INPP4B: variants seen among roughly 807,000 people sequenced by gnomAD.
INPP4B encodes the protein inositol polyphosphate 4-phosphatase type II.
INPP4B carries 55 observed loss-of-function variants against 122.5 expected under a neutral mutation model. The observed-to-expected ratio is 0.45, with a 90% CI of 0.36 to 0.56. The LOEUF is 0.56. Among genes scored for constraint, INPP4B ranks in the 20% least tolerant of loss-of-function variants. The pLI is 0.00. For missense variants in INPP4B, 1,000 were observed against 1,097.7 expected (o/e 0.91, Z 1.26); for synonymous variants, 403 against 388.7 (o/e 1.04, Z -0.43).
At position 142,086,138 on chromosome 4, in the gene INPP4B, G is replaced by A. The variant is rs374069472; in HGVS notation, c.2487+6C>T. 1.0e-5 allele frequency: 15 copies of A among 1,499,510 alleles called. No individual in the cohort carries two copies. The highest frequency in any genetic ancestry group is 1.3e-5 in the Non-Finnish European group (14 of 1,075,884). 92.9% of individuals were successfully genotyped at this position (1,499,510 alleles called of 1,614,324 possible). ...AGGAAATAAGATTTGACATGAGAGT[G>A]CTTACCGTTGCAGCCAGCCACATAA... On this transcript the variant is annotated splice_donor_region_variant and intron_variant, in intron 24 of 25. Coordinates refer to ENST00000262992, the MANE Select transcript of INPP4B (RefSeq NM_001101669.3).
At chr4:142,716,241 C>G (rs1241603146) in intron 2 of INPP4B, among the ~76,000 whole-genome samples, 8 of 152,144 alleles carry the variant, frequency 5.3e-5, no homozygotes, top group Admixed American at 3.9e-4. Context: ...CAAACTAATC[C>G]ATTGTCATTA....
rs75732987 is a variant in INPP4B at position 142,502,977 on chromosome 4, C to T, written c.-190-40251G>A. 7.1e-3 allele frequency among the ~76,000 whole-genome samples: 1,075 copies of T among 152,152 alleles called. 15 individuals are homozygous for T. Among genetic ancestry groups the T allele is most frequent in the African/African-American group, 0.025 (1,017 of 41,510 alleles). The stretch of plus-strand genomic sequence containing the variant: ...TGGTTCGATAATAACTGAGATTTCT[C>T]ATATGAAGCCTTGGAAGCTATAAGA... On this transcript the variant is annotated intron_variant, in intron 2 of 25. Transcript: ENST00000262992.
At chr4:142,766,568 A>C (rs1172284518) in intron 1 of INPP4B, among the ~76,000 whole-genome samples, 1 of 151,896 alleles carries the variant, frequency 6.6e-6, no homozygotes, top group Non-Finnish European at 1.5e-5. Context: ...ACAGGGTTTC[A>C]CCATGTTGGC....
chr4:142,703,239 C>A (rs939164027), intron 2 of INPP4B, among the ~76,000 whole-genome samples: 4 of 152,134 alleles, frequency 2.6e-5, no homozygotes, highest in African/African-American at 9.7e-5. Flanking sequence ...TTGGCCCTTC[C>A]AAACACAGCC....
intron 2 of INPP4B, among the ~76,000 whole-genome samples, chr4:142,568,380 C>T (rs937838316): frequency 1.3e-5 from 2 of 152,094 alleles, no homozygotes; most frequent in Non-Finnish European, 2.9e-5. Flanking sequence ...ACCCAGATAT[C>T]GGCTTGCTGG....
chr4:142,575,809 A>G lies in INPP4B; in HGVS notation c.-190-113083T>C, dbSNP rs139527399. On this transcript the variant is annotated intron_variant, in intron 2 of 25. Transcript: ENST00000262992. The stretch of plus-strand genomic sequence containing the variant: ...TATGACATAAACAATGCTATGTCAC[A>G]AAAAAGAAGCTATGATAATTACACT... 2.8e-3 allele frequency among the ~76,000 whole-genome samples: 427 copies of G among 152,170 alleles called. 2 individuals are homozygous for G. The highest frequency in any genetic ancestry group is 4.3e-3 in the Non-Finnish European group (290 of 67,966).
intron 2 of INPP4B, among the ~76,000 whole-genome samples, chr4:142,485,747 G>A (rs1401759162): frequency 6.6e-6 from 1 of 152,092 alleles, no homozygotes; most frequent in Admixed American, 6.6e-5. Flanking sequence ...CTTGTCCAAG[G>A]TAACATGAAT....
intron 2 of INPP4B, among the ~76,000 whole-genome samples, chr4:142,722,559 G>A (rs1001493730): frequency 6.6e-6 from 1 of 151,820 alleles, no homozygotes; most frequent in Non-Finnish European, 1.5e-5. Context: ...AGAACTTTTT[G>A]CAAATGAAAA....
intron 9 of INPP4B, among the ~76,000 whole-genome samples, chr4:142,295,443 G>A (rs1009281132): frequency 4.6e-5 from 7 of 152,158 alleles, no homozygotes; most frequent in African/African-American, 1.7e-4. Context: ...ATGGATGTGT[G>A]TGTTACAGAA....
intron 5 of INPP4B, among the ~76,000 whole-genome samples, chr4:142,413,904 G>C (rs10519659): frequency 0.037 from 5,571 of 152,120 alleles, 140 homozygotes; most frequent in Admixed American, 0.073. Context: ...AGAATTTTAA[G>C]ACTCTCAACC....
chr4:142,543,220 A>G (rs1452787816), intron 2 of INPP4B, among the ~76,000 whole-genome samples: 1 of 152,160 alleles, frequency 6.6e-6, no homozygotes, highest in Non-Finnish European at 1.5e-5. Context: ...TCACATTTTC[A>G]GTCTCTCTAT....
chr4:142,543,604 A>T (rs550554478), intron 2 of INPP4B, among the ~76,000 whole-genome samples: 1 of 152,140 alleles, frequency 6.6e-6, no homozygotes, highest in Non-Finnish European at 1.5e-5. Context: ...ATTTAAAAAA[A>T]TCCTTCTAAT....
At chr4:142,758,300 T>A (rs992427207) in intron 1 of INPP4B, among the ~76,000 whole-genome samples, 3 of 152,106 alleles carry the variant, frequency 2.0e-5, no homozygotes, top group Non-Finnish European at 2.9e-5. Context: ...GTTTGACATG[T>A]GAAGAGTTGC....
chr4:142,291,088 A>G (rs1756280565), intron 9 of INPP4B, among the ~76,000 whole-genome samples: 2 of 152,194 alleles, frequency 1.3e-5, no homozygotes, highest in Admixed American at 6.5e-5. Context: ...GTTTCTAAAG[A>G]CTTATTCTTT....
At chr4:142,267,957 T>C (rs1743630170) in intron 10 of INPP4B, among the ~76,000 whole-genome samples, 1 of 152,092 alleles carries the variant, frequency 6.6e-6, no homozygotes, top group African/African-American at 2.4e-5. Context: ...TCATCATTGC[T>C]GATTACCAGG....
rs1741069080 is a variant in INPP4B, at chr4:142,605,626, G to A, written c.-191+120213C>T. Among the ~76,000 whole-genome samples the A allele has an allele frequency of 2.6e-5, 4 of 151,102 alleles. No homozygotes were observed. The South Asian group carries it at 8.3e-4, about 31-fold the overall frequency. On this transcript the variant is annotated intron_variant, in intron 2 of 25. Transcript: ENST00000262992. ...TAAAAAGTTAGCATCGGTCATGAAT[G>A]CACATTTTTCAAAAAAAAAGGGGGC...
chr4:142,836,719 T>TACACACACACACACACACACAC lies in INPP4B; in HGVS notation c.-254+9468_-254+9489dup, dbSNP rs138777384. ...TTTAGGTAAATGAAAAAGTACTGTC[T>TACACACACACACACACACACAC]ACACACACACACACACACACACACA... On this transcript the variant is annotated intron_variant, in intron 1 of 25. Transcript: ENST00000262992. Among the ~76,000 whole-genome samples, 846 of 146,444 alleles carry TACACACACACACACACACACAC rather than the reference T, an allele frequency of 5.8e-3. 5 individuals carry two copies. Among genetic ancestry groups the TACACACACACACACACACACAC allele is most frequent in the African/African-American group, 0.011 (425 of 39,850 alleles).
intron 1 of INPP4B, among the ~76,000 whole-genome samples, chr4:142,845,623 T>TGA (rs1784086487): frequency 6.6e-6 from 1 of 152,106 alleles, no homozygotes; most frequent in Non-Finnish European, 1.5e-5. Flanking sequence ...GTCAAGGAGA[T>TGA]GGGCTCTTTA....
intron 2 of INPP4B, among the ~76,000 whole-genome samples, chr4:142,599,408 A>G (rs1739394436): frequency 6.6e-6 from 1 of 152,216 alleles, no homozygotes; most frequent in Admixed American, 6.5e-5. Context: ...GAAATCACAG[A>G]TACTACTGAT....
Sources: gnomAD v4.1 joint callset for allele counts (sites outside exome capture counted in the v4.1 genomes callset) on GRCh38, gnomAD v4.1.1 for gene constraint, MANE v1.5 for transcripts, NCBI Gene and HGNC (gene_info 2026-07-23, HGNC 2026-07-21) for gene names.